RSBN1L: variants seen among roughly 807,000 people sequenced by gnomAD.
RSBN1L encodes round spermatid basic protein 1 like, also known as lysine-specific demethylase RSBN1L.
A neutral mutation model predicts 67.7 loss-of-function variants in RSBN1L; 30 were observed. That is an observed-to-expected ratio of 0.44 (90% CI 0.33 to 0.60). RSBN1L has a LOEUF of 0.60. Ranked by LOEUF, RSBN1L falls within the 20% of genes least tolerant of loss-of-function variation. The pLI is 0.02. For missense variants in RSBN1L, 992 were observed against 1,031.7 expected (o/e 0.96, Z 0.53); for synonymous variants, 433 against 387.0 (o/e 1.12, Z -1.39).
intron 1 of RSBN1L, among the ~76,000 whole-genome samples, chr7:77,715,348 T>C (rs765776690): frequency 6.6e-6 from 1 of 152,136 alleles, no homozygotes; most frequent in East Asian, 1.9e-4. Context: ...ATTTTGTGTG[T>C]GTGACAGAGT....
chr7:77,753,801 C>G (rs916822231), intron 3 of RSBN1L, among the ~76,000 whole-genome samples: 6 of 152,120 alleles, frequency 3.9e-5, no homozygotes, highest in African/African-American at 1.4e-4. Context: ...GAAAAATAAT[C>G]TGTAGTTCAT....
At chr7:77,733,335 A>T (rs1054372837) in intron 1 of RSBN1L, among the ~76,000 whole-genome samples, 2 of 152,096 alleles carry the variant, frequency 1.3e-5, no homozygotes, top group African/African-American at 4.8e-5. Flanking sequence ...TTTGCTGAGG[A>T]TGTTTTGATA....
intron 1 of RSBN1L, among the ~76,000 whole-genome samples, chr7:77,718,271 C>T (rs1791073711): frequency 2.6e-5 from 4 of 151,994 alleles, no homozygotes; most frequent in Admixed American, 1.3e-4. Context: ...TTTCTTTTAG[C>T]CCTTCACTTC....
At chr7:77,742,586 C>G (rs1470846513) in intron 2 of RSBN1L, among the ~76,000 whole-genome samples, 4 of 152,110 alleles carry the variant, frequency 2.6e-5, no homozygotes, top group East Asian at 3.9e-4. Context: ...ACCTGTAATC[C>G]CAGCACTTTG....
At chr7:77,703,019 A>G (rs755574769) in intron 1 of RSBN1L, among the ~76,000 whole-genome samples, 1 of 152,216 alleles carries the variant, frequency 6.6e-6, no homozygotes, top group Non-Finnish European at 1.5e-5. Flanking sequence ...GATTCAGTCC[A>G]TAGTGAAGGG....
At chr7:77,701,197 A>G (rs1258704239) in intron 1 of RSBN1L, among the ~76,000 whole-genome samples, 1 of 150,684 alleles carries the variant, frequency 6.6e-6, no homozygotes, top group Non-Finnish European at 1.5e-5. Context: ...AACAAAAAAA[A>G]ACGACATCCC....
At chr7:77,756,130 TA>T (rs1436637806) in intron 3 of RSBN1L, among the ~76,000 whole-genome samples, 2 of 151,998 alleles carry the variant, frequency 1.3e-5, no homozygotes, top group African/African-American at 4.8e-5. Flanking sequence ...ATCTGACTTT[TA>T]TTTTTTTATT....
intron 1 of RSBN1L, among the ~76,000 whole-genome samples, chr7:77,711,873 T>C (rs543505016): frequency 2.0e-5 from 3 of 152,240 alleles, no homozygotes; most frequent in Admixed American, 1.3e-4. Flanking sequence ...TAATATACAA[T>C]GGAAAAACCA....
At chr7:77,757,703 C>G (rs1791637510) in intron 3 of RSBN1L, among the ~76,000 whole-genome samples, 1 of 152,212 alleles carries the variant, frequency 6.6e-6, no homozygotes. Flanking sequence ...GGTCTTGGGA[C>G]ACCTCACTTA....
chr7:77,746,777 C>A (rs1270557454), intron 2 of RSBN1L, among the ~76,000 whole-genome samples: 1 of 152,106 alleles, frequency 6.6e-6, no homozygotes, highest in Non-Finnish European at 1.5e-5. Flanking sequence ...ACTTCTGTTC[C>A]AAAAGGGAGA....
At chr7:77,700,130 A>G (rs896801196) in intron 1 of RSBN1L, among the ~76,000 whole-genome samples, 3 of 152,180 alleles carry the variant, frequency 2.0e-5, no homozygotes, top group Non-Finnish European at 2.9e-5. Flanking sequence ...AAATAACCTG[A>G]TTTTAGTGCT....
In RSBN1L at chr7:77,696,932, G is replaced by A; in HGVS notation, c.463G>A (p.Ala155Thr). 2 of 1,599,580 alleles carry A rather than the reference G, an allele frequency of 1.3e-6. No individual in the cohort carries two copies. Residue 155 changes from alanine to threonine, a missense_variant, in exon 1 of 8, where the codon GCC becomes ACC. By Grantham distance (58) the Ala-to-Thr change is moderately conservative. Transcript: ENST00000334955. ...CGCCGCCGCCGCTGCCTCGGCTAACGCCAAGTCGCGCAGACCTAAGGAGAA... is the reference window on the plus strand; with the variant it reads ...CGCCGCCGCCGCTGCCTCGGCTAACACCAAGTCGCGCAGACCTAAGGAGAA... ...PAAAAAASAN[A>T]KSRRPKEKRE...
intron 1 of RSBN1L, among the ~76,000 whole-genome samples, chr7:77,723,813 A>G (rs1791154539): frequency 6.6e-6 from 1 of 152,104 alleles, no homozygotes; most frequent in African/African-American, 2.4e-5. Context: ...GCATGCCTGT[A>G]ATCCCAGCTA....
intron 1 of RSBN1L, among the ~76,000 whole-genome samples, chr7:77,705,415 A>C (rs1349300265): frequency 6.6e-6 from 1 of 151,796 alleles, no homozygotes; most frequent in African/African-American, 2.4e-5. Flanking sequence ...TTACGTTTGG[A>C]TCAGGAGGCA....
chr7:77,712,058 GT>G (rs5885030), intron 1 of RSBN1L, among the ~76,000 whole-genome samples: 87,204 of 151,556 alleles, frequency 0.58, 26,931 homozygotes, highest in African/African-American at 0.81. Flanking sequence ...ATAATTGTAT[GT>G]TTTTTTTGTA....
chr7:77,737,492 C>T (rs1357967728), intron 2 of RSBN1L, among the ~76,000 whole-genome samples: 1 of 152,070 alleles, frequency 6.6e-6, no homozygotes, highest in East Asian at 1.9e-4. Context: ...TTCAGATATT[C>T]GTTTTCTATT....
chr7:77,762,685 T>C (rs1791710676), intron 3 of RSBN1L, among the ~76,000 whole-genome samples: 1 of 152,176 alleles, frequency 6.6e-6, no homozygotes, highest in Admixed American at 6.5e-5. Flanking sequence ...CCCAATTTTT[T>C]CCTGTTACTC....
Position 77,778,923 on chromosome 7 carries a change from C to G in RSBN1L, c.2296C>G (p.Pro766Ala). The change falls in exon 8 of 8, where the codon CCT (proline) becomes GCT (alanine). Residue 766 changes from proline to alanine, a missense_variant. Around this residue, in one of 7 missense-constraint regions of RSBN1L, gnomAD observed 199 missense variants for 167.7 expected, o/e 1.19. Transcript: ENST00000334955. ...PIASVRIKEEPVNVNIPEKTT... is the reference protein window; with the variant it reads ...PIASVRIKEEAVNVNIPEKTT... ...TGCATCTGTAAGAATCAAGGAAGAA[C>G]CTGTGAATGTTAATATTCCTGAAAA... 1 of 1,613,868 alleles carries G rather than the reference C, an allele frequency of 6.2e-7. No individual in the cohort carries two copies. The highest frequency in any genetic ancestry group is 8.5e-7 in the Non-Finnish European group (1 of 1,179,874).
chr7:77,725,534 A>G (rs1791190415), intron 1 of RSBN1L, among the ~76,000 whole-genome samples: 1 of 152,032 alleles, frequency 6.6e-6, no homozygotes, highest in South Asian at 2.1e-4. Flanking sequence ...GGCATGAGCC[A>G]TGGCGCCCGG....
Sources: gnomAD v4.1 joint callset for allele counts (sites outside exome capture counted in the v4.1 genomes callset) on GRCh38, gnomAD v4.1.1 for gene constraint, gnomAD v4.1.1 regional missense constraint, MANE v1.5 for transcripts, NCBI Gene and HGNC (gene_info 2026-07-23, HGNC 2026-07-21) for gene names.